Variants in XIRP2 observed in about 807,000 individuals in gnomAD.
XIRP2 encodes xin actin-binding repeat-containing protein 2.
In XIRP2, 236 loss-of-function variants were observed where a neutral mutation model predicts 277.0. The observed-to-expected ratio is 0.85, with a 90% CI of 0.77 to 0.95. The LOEUF (loss-of-function observed/expected upper bound fraction) is 0.95. Ranked by LOEUF, XIRP2 falls within the 40% of genes least tolerant of loss-of-function variation. XIRP2 has a pLI of 0.00. For missense variants in XIRP2, 4,640 were observed against 4,157.5 expected (o/e 1.12, Z -3.19); for synonymous variants, 1,490 against 1,416.5 (o/e 1.05, Z -1.17).
chr2:167,100,956 A>T (rs1690470660), intron 2 of XIRP2, among the ~76,000 whole-genome samples: 1 of 152,164 alleles, frequency 6.6e-6, no homozygotes, highest in African/African-American at 2.4e-5. Flanking sequence ...TTTTGCTTTT[A>T]GTGTTGTTCT....
At chr2:166,911,120 C>A (rs896829522) in intron 2 of XIRP2, among the ~76,000 whole-genome samples, 2 of 152,180 alleles carry the variant, frequency 1.3e-5, no homozygotes, top group African/African-American at 4.8e-5. Flanking sequence ...CTGTAGATGT[C>A]TATTAGGTCC....
chr2:167,252,023 T>G, intron 9 of XIRP2, 76 bp downstream of exon 9: 1 of 1,496,482 alleles, frequency 6.7e-7, no homozygotes, highest in Non-Finnish European at 8.8e-7. Context: ...TGATGTACAG[T>G]TAAAAAGAGT....
chr2:167,070,548 A>G (rs1022484984), intron 2 of XIRP2, among the ~76,000 whole-genome samples: 1 of 152,188 alleles, frequency 6.6e-6, no homozygotes, highest in Non-Finnish European at 1.5e-5. Flanking sequence ...ACATCTGAAA[A>G]TAGTTTGGAA....
At chr2:167,164,034 T>C (rs991662143) in intron 3 of XIRP2, among the ~76,000 whole-genome samples, 1 of 152,240 alleles carries the variant, frequency 6.6e-6, no homozygotes, top group East Asian at 1.9e-4. Context: ...TATAGCTTTA[T>C]AGTAAACATT....
At position 167,100,158 on chromosome 2, in the gene XIRP2, T is replaced by TA. The variant is rs138195612; in HGVS notation, c.409-35741dup. The stretch of plus-strand genomic sequence containing the variant: ...CATGCTCTCCCACTATACCATAGTC[T>TA]AAAAAAAAAATTAAAAAAAAATTAA... On this transcript the variant is annotated intron_variant, in intron 2 of 10. Transcript: ENST00000409195. 3.3e-3 allele frequency among the ~76,000 whole-genome samples: 482 copies of TA among 147,606 alleles called. 22 individuals carry two copies. The East Asian group carries it at 0.082, about 25-fold the overall frequency.
intron 3 of XIRP2, among the ~76,000 whole-genome samples, chr2:167,167,316 G>A (rs73021976): frequency 0.099 from 15,030 of 151,882 alleles, 796 homozygotes; most frequent in South Asian, 0.15. Flanking sequence ...GGTATATTTA[G>A]ACCACTGACA....
chr2:167,060,588 C>T (rs990862650), intron 2 of XIRP2, among the ~76,000 whole-genome samples: 1 of 152,060 alleles, frequency 6.6e-6, no homozygotes, highest in Non-Finnish European at 1.5e-5. Flanking sequence ...GACTCAGTAT[C>T]ATTTATTGAA....
intron 2 of XIRP2, among the ~76,000 whole-genome samples, chr2:166,984,519 C>CA (rs1243130918): frequency 6.6e-6 from 1 of 151,796 alleles, no homozygotes; most frequent in Non-Finnish European, 1.5e-5. Context: ...TATTATAAGA[C>CA]AAAATATAAA....
chr2:167,237,589 A>T (rs934778047), intron 5 of XIRP2, among the ~76,000 whole-genome samples: 63 of 152,276 alleles, frequency 4.1e-4, no homozygotes, highest in East Asian at 2.1e-3. Context: ...AGCAGAAAAA[A>T]TTTTTTATTT....
At chr2:167,237,602 G>A (rs929433956) in intron 5 of XIRP2, among the ~76,000 whole-genome samples, 1 of 152,074 alleles carries the variant, frequency 6.6e-6, no homozygotes, top group Non-Finnish European at 1.5e-5. Flanking sequence ...TTTTATTTTT[G>A]TAGATGTTAC....
chr2:167,221,770 T>C (rs1694439871), intron 5 of XIRP2, among the ~76,000 whole-genome samples: 1 of 152,194 alleles, frequency 6.6e-6, no homozygotes, highest in South Asian at 2.1e-4. Flanking sequence ...TTGAAAGTCC[T>C]TGAGATTTAT....
At chr2:166,924,160 C>G (rs1685126467) in intron 2 of XIRP2, among the ~76,000 whole-genome samples, 1 of 152,050 alleles carries the variant, frequency 6.6e-6, no homozygotes, top group Non-Finnish European at 1.5e-5. Flanking sequence ...ATCGGGAATA[C>G]ATTAGGAGAT....
intron 2 of XIRP2, among the ~76,000 whole-genome samples, chr2:166,936,525 C>G (rs1427234648): frequency 1.3e-5 from 2 of 152,180 alleles, no homozygotes; most frequent in Admixed American, 6.5e-5. Context: ...GGGTTTTCTT[C>G]TAGGGTTTTC....
At chr2:167,156,286 C>G (rs1331152443) in intron 3 of XIRP2, among the ~76,000 whole-genome samples, 1 of 152,128 alleles carries the variant, frequency 6.6e-6, no homozygotes, top group Non-Finnish European at 1.5e-5. Flanking sequence ...GCCCGCATTG[C>G]CAAGTCAATC....
intron 3 of XIRP2, among the ~76,000 whole-genome samples, chr2:167,186,853 A>G (rs577867278): frequency 2.6e-5 from 4 of 151,496 alleles, no homozygotes; most frequent in Non-Finnish European, 5.9e-5. Flanking sequence ...ACTTAAGCCA[A>G]CACTAGAGTA....
intron 1 of XIRP2, among the ~76,000 whole-genome samples, chr2:166,897,644 C>T (rs1163471500): frequency 1.3e-5 from 2 of 152,182 alleles, no homozygotes; most frequent in East Asian, 3.9e-4. Flanking sequence ...GAGGGAGAGC[C>T]ACCAAGGAAT....
rs1374775708 is a variant in XIRP2, at chr2:167,245,855, A to G, written c.4463A>G (p.Lys1488Arg). 6.2e-7 allele frequency: 1 copy of G among 1,613,802 alleles called. No homozygotes were observed. Among genetic ancestry groups the G allele is most frequent in the Non-Finnish European group, 8.5e-7 (1 of 1,179,798 alleles). Residue 1488 changes from lysine (K) to arginine (R), a missense_variant, in exon 9 of 11, where the codon AAG becomes AGG. By Grantham distance (26) the Lys-to-Arg change is conservative. Coordinates refer to ENST00000409195, the MANE Select transcript of XIRP2 (RefSeq NM_152381.6). ...GAAGATGTGCAGAAAGGTGATGTTA[A>G]GCAGGCTGTGTGGCTTTTTGAAAAT... is the stretch of plus-strand genomic sequence containing the variant. ...TQEDVQKGDV[K>R]QAVWLFENRT...
At position 167,015,888 on chromosome 2, in the gene XIRP2, A is replaced by G. The variant is rs113023827; in HGVS notation, c.408+111998A>G. ...ACTCCTAGATCACTTATAATATTAT[A>G]TAGAATTTATATTTTATATAAATTA... is the stretch of plus-strand genomic sequence containing the variant. On this transcript the variant is annotated intron_variant, in intron 2 of 10. Transcript: ENST00000409195. Among the ~76,000 whole-genome samples, 114 of 151,724 alleles carry G rather than the reference A, an allele frequency of 7.5e-4. 1 individual carries two copies. The highest frequency in any genetic ancestry group is 2.7e-3 in the African/African-American group (112 of 41,460).
rs1695766312 is a variant in XIRP2, at chr2:167,259,169, G to A, written c.*1352G>A. ...AAATATGCCATGCTTGGATTTAAGG[G>A]AATTTGGAAAGGATGTTAAACCTTG... On this transcript the variant is annotated 3_prime_UTR_variant, in exon 11 of 11. Coordinates refer to ENST00000409195, the MANE Select transcript of XIRP2 (RefSeq NM_152381.6). The A allele has an allele frequency of 6.2e-7, 1 of 1,613,178 alleles. No homozygotes were observed. Among genetic ancestry groups the A allele is most frequent in the Admixed American group, 1.7e-5 (1 of 59,862 alleles).
Sources: gnomAD v4.1 joint callset for allele counts (sites outside exome capture counted in the v4.1 genomes callset) on GRCh38, gnomAD v4.1.1 for gene constraint, MANE v1.5 for transcripts, NCBI Gene and HGNC (gene_info 2026-07-23, HGNC 2026-07-21) for gene names.